SPOCK1: variants seen among roughly 807,000 people sequenced by gnomAD.
The protein encoded by SPOCK1 is testican-1.
SPOCK1 carries 23 observed loss-of-function variants against 55.3 expected under a neutral mutation model. The observed-to-expected ratio is 0.42, with a 90% CI of 0.30 to 0.59. SPOCK1 has a LOEUF of 0.59. Ranked by LOEUF, SPOCK1 falls within the 20% of genes least tolerant of loss-of-function variation. SPOCK1 has a pLI of 0.22. For missense variants in SPOCK1, 499 were observed against 552.5 expected, an observed-to-expected ratio of 0.90 and a Z score of 0.97; for synonymous variants, 226 against 221.0, an observed-to-expected ratio of 1.02 and a Z score of -0.20.
At chr5:137,130,609 G>T (rs1389101528) in intron 4 of SPOCK1, among the ~76,000 whole-genome samples, 2 of 152,168 alleles carry the variant, frequency 1.3e-5, no homozygotes, top group African/African-American at 2.4e-5. Flanking sequence ...CAGGCCACAG[G>T]GCCCCTTGTC....
intron 3 of SPOCK1, among the ~76,000 whole-genome samples, chr5:137,190,830 G>C (rs774376441): frequency 6.6e-6 from 1 of 152,130 alleles, no homozygotes; most frequent in African/African-American, 2.4e-5. Flanking sequence ...ATTCCTCCAA[G>C]AGACTGAGGT....
At chr5:137,352,448 G>A (rs1457454626) in intron 2 of SPOCK1, among the ~76,000 whole-genome samples, 2 of 152,200 alleles carry the variant, frequency 1.3e-5, no homozygotes, top group African/African-American at 2.4e-5. Flanking sequence ...CCGCATTCTT[G>A]GACATATGAT....
At chr5:137,125,131 A>C (rs970928586) in intron 4 of SPOCK1, among the ~76,000 whole-genome samples, 3 of 152,178 alleles carry the variant, frequency 2.0e-5, no homozygotes, top group Admixed American at 2.0e-4. Context: ...CTGACCTAAC[A>C]CAGCTTCCAT....
At chr5:136,983,962 C>G (rs1750787165) in intron 9 of SPOCK1, among the ~76,000 whole-genome samples, 1 of 152,146 alleles carries the variant, frequency 6.6e-6, no homozygotes, top group Non-Finnish European at 1.5e-5. Context: ...TAATAAACAG[C>G]AATGTACTAA....
chr5:137,149,931 T>G (rs1754282363), intron 3 of SPOCK1, among the ~76,000 whole-genome samples: 1 of 152,202 alleles, frequency 6.6e-6, no homozygotes, highest in Non-Finnish European at 1.5e-5. Context: ...AGATCCACTT[T>G]ACTGAGATGT....
At chr5:137,419,895 T>C (rs4466155) in intron 2 of SPOCK1, among the ~76,000 whole-genome samples, 114,299 of 152,072 alleles carry the variant, frequency 0.75, 43,660 homozygotes, top group East Asian at 0.91. Flanking sequence ...TCAAAGGGAA[T>C]GTTTCCAGTT....
intron 2 of SPOCK1, among the ~76,000 whole-genome samples, chr5:137,416,796 C>A (rs1752344710): frequency 6.6e-6 from 1 of 152,162 alleles, no homozygotes; most frequent in African/African-American, 2.4e-5. Flanking sequence ...ATGTTAGCCA[C>A]TATCATGAAG....
chr5:137,190,109 G>A (rs1290044657), intron 3 of SPOCK1, among the ~76,000 whole-genome samples: 1 of 152,006 alleles, frequency 6.6e-6, no homozygotes, highest in African/African-American at 2.4e-5. Flanking sequence ...CTGGTGAAGA[G>A]GCTGTGAGCA....
rs1435008234 is a variant in SPOCK1, at chr5:137,367,155, T to C, written c.187-100100A>G. 2.0e-5 allele frequency among the ~76,000 whole-genome samples: 3 copies of C among 152,368 alleles called. No homozygotes were observed. In the East Asian group the frequency reaches 5.8e-4, roughly 29 times the overall value. ...GAACTGAGTGCCTATAGTTCTGCTT[T>C]GCCTCCATCAATGGCTTTCCTGCCT... On this transcript the variant is annotated intron_variant, in intron 2 of 10. Transcript: ENST00000394945.
intron 2 of SPOCK1, among the ~76,000 whole-genome samples, chr5:137,447,404 G>T (rs1244821389): frequency 6.6e-6 from 1 of 152,056 alleles, no homozygotes; most frequent in Non-Finnish European, 1.5e-5. Context: ...CCAAACCAGT[G>T]GTCCTCTACT....
intron 2 of SPOCK1, among the ~76,000 whole-genome samples, chr5:137,432,627 C>A (rs142337699): frequency 6.6e-6 from 1 of 152,204 alleles, no homozygotes; most frequent in African/African-American, 2.4e-5. Context: ...GAGAACAGTG[C>A]TTCCATTATG....
intron 2 of SPOCK1, among the ~76,000 whole-genome samples, chr5:137,452,622 T>C (rs968895524): frequency 2.0e-5 from 3 of 152,264 alleles, no homozygotes; most frequent in Non-Finnish European, 4.4e-5. Flanking sequence ...TAATACCTCA[T>C]GTAATAATTC....
chr5:137,102,937 T>C (rs1388103855), intron 5 of SPOCK1, among the ~76,000 whole-genome samples: 1 of 152,236 alleles, frequency 6.6e-6, no homozygotes, highest in East Asian at 1.9e-4. Flanking sequence ...AATATCACTG[T>C]GGTAGTGATT....
Position 137,498,485 on chromosome 5 carries a change from T to C in SPOCK1, c.74A>G (p.Asp25Gly). The change falls in exon 2 of 11, where the codon GAC (aspartate) becomes GGC (glycine). Residue 25 changes from aspartate to glycine, a missense_variant. By Grantham distance (94) the Asp-to-Gly change is moderately conservative (BLOSUM62 -1). Coordinates refer to ENST00000394945, the MANE Select transcript of SPOCK1 (RefSeq NM_004598.4). The stretch of plus-strand genomic sequence containing the variant: ...GGGGCCCGCGCCTCCGGCGAGCGCG[T>C]CCAGGTGCCGGCTCTCGACTTGGAG... The part of the protein sequence containing the change: ...CFLQVESRHL[D>G]ALAGGAGPNH... 3 of 1,597,100 alleles carry C rather than the reference T, an allele frequency of 1.9e-6. No homozygotes were observed. The highest frequency in any genetic ancestry group is 2.6e-6 in the Non-Finnish European group (3 of 1,174,436).
intron 2 of SPOCK1, among the ~76,000 whole-genome samples, chr5:137,362,330 C>CT (rs745634969): frequency 0.012 from 1,602 of 136,598 alleles, 18 homozygotes; most frequent in Middle Eastern, 0.023. Flanking sequence ...CGTCAGCAAC[C>CT]TTTTTTTTTT....
intron 4 of SPOCK1, among the ~76,000 whole-genome samples, chr5:137,125,529 A>G (rs1753768556): frequency 6.6e-6 from 1 of 152,184 alleles, no homozygotes; most frequent in Non-Finnish European, 1.5e-5. Flanking sequence ...GTGCCCTTAT[A>G]AAAGAGACCA....
intron 2 of SPOCK1, among the ~76,000 whole-genome samples, chr5:137,302,025 G>C (rs573997874): frequency 3.3e-5 from 5 of 152,188 alleles, no homozygotes; most frequent in Non-Finnish European, 5.9e-5. Flanking sequence ...AAATGAAATT[G>C]GTTCTTGAAG....
chr5:137,332,596 G>C (rs1178449663), intron 2 of SPOCK1, among the ~76,000 whole-genome samples: 1 of 152,218 alleles, frequency 6.6e-6, no homozygotes, highest in Non-Finnish European at 1.5e-5. Context: ...CTGGAGGAGG[G>C]GGATGTGCCA....
intron 5 of SPOCK1, among the ~76,000 whole-genome samples, chr5:137,111,256 A>G (rs1254017707): frequency 6.6e-6 from 1 of 152,152 alleles, no homozygotes; most frequent in Admixed American, 6.5e-5. Flanking sequence ...AGGAGGTCCC[A>G]GCAGAAAGGC....
Sources: gnomAD v4.1 joint callset for allele counts (sites outside exome capture counted in the v4.1 genomes callset) on GRCh38, gnomAD v4.1.1 for gene constraint, MANE v1.5 for transcripts, NCBI Gene and HGNC (gene_info 2026-07-23, HGNC 2026-07-21) for gene names.